Variants in LMF1 observed in about 807,000 individuals in gnomAD.
The protein encoded by LMF1 is transmembrane protein 112.
A neutral mutation model predicts 60.6 loss-of-function variants in LMF1; 68 were observed. The ratio of observed to expected loss-of-function variants is 1.12; its 90% CI spans 0.92 to 1.37. The LOEUF (loss-of-function observed/expected upper bound fraction) is 1.37, where lower values mean the gene tolerates loss of function less well. Among genes scored for constraint, LMF1 ranks in the 40% most tolerant of loss-of-function variants. The pLI is 0.00. For missense variants in LMF1, 948 were observed against 767.2 expected (o/e 1.24, Z -2.78); for synonymous variants, 418 against 324.7 (o/e 1.29, Z -3.09).
Position 869,987 on chromosome 16 carries a change from C to T in LMF1, c.1312G>A (p.Asp438Asn). Residue 438 changes from aspartate (D) to asparagine (N), a missense_variant, in exon 9 of 11, where the codon GAC becomes AAC. Transcript: ENST00000262301. The stretch of plus-strand genomic sequence containing the variant: ...CCTGGCTTGCACTTGAACTCGTAGT[C>T]CTCCCACATGGCATCGGGGGCGCTG... The part of the protein sequence containing the change: ...NASAPDAMWE[D>N]YEFKCKPGDP... 1 of 1,613,292 alleles carries T rather than the reference C, an allele frequency of 6.2e-7. No homozygotes were observed. Among genetic ancestry groups the T allele is most frequent in the South Asian group, 1.1e-5 (1 of 91,088 alleles).
intron 10 of LMF1, among the ~76,000 whole-genome samples, chr16:863,348 G>C (rs567859416): frequency 2.0e-5 from 3 of 152,250 alleles, no homozygotes; most frequent in Admixed American, 2.0e-4. Flanking sequence ...CACCATGTTG[G>C]CCATGCTGGT....
chr16:886,490 C>T (rs2070310794), intron 5 of LMF1, among the ~76,000 whole-genome samples: 1 of 152,042 alleles, frequency 6.6e-6, no homozygotes, highest in South Asian at 2.1e-4. Context: ...CGGCCAAAAC[C>T]ACCCTGCAGC....
chr16:976,599 T>G (rs552559801), intron 1 of LMF1: 3 of 453,318 alleles, frequency 6.6e-6, no homozygotes, highest in Non-Finnish European at 1.3e-5. Flanking sequence ...CCTCTGCCCA[T>G]TATCAGACGA....
chr16:906,554 T>C (rs1230254367), intron 4 of LMF1, among the ~76,000 whole-genome samples: 8 of 152,274 alleles, frequency 5.3e-5, no homozygotes, highest in African/African-American at 9.6e-5. Flanking sequence ...CCGGCTCTCC[T>C]TGCTCCTCAG....
rs1368640125 is a variant in LMF1 at position 859,894 on chromosome 16, TCGGGATGGGTGTGCAGTGGTGTCA to T, written c.1530-5212_1530-5189del. ...TCTCGGGATGGGTGTGAGTGGTGTC[TCGGGATGGGTGTGCAGTGGTGTCA>T]CGGGATCGGTGTGAGTGGTGTCACG... On this transcript the variant is annotated intron_variant, in intron 10 of 10. Coordinates refer to ENST00000262301, the MANE Select transcript of LMF1 (RefSeq NM_022773.4). Among the ~76,000 whole-genome samples, 37 of 127,726 alleles carry T rather than the reference TCGGGATGGGTGTGCAGTGGTGTCA, an allele frequency of 2.9e-4. 2 individuals carry two copies. The highest frequency in any genetic ancestry group is 1.2e-3 in the African/African-American group (34 of 27,466). 83.8% of individuals were successfully genotyped at this position (127,726 alleles called of 152,430 possible).
At chr16:918,827 G>A (rs1052340764) in intron 3 of LMF1, among the ~76,000 whole-genome samples, 7 of 151,846 alleles carry the variant, frequency 4.6e-5, no homozygotes, top group Non-Finnish European at 8.8e-5. Context: ...ACTCTCACGC[G>A]GGGCCGGCAT....
At chr16:952,838 C>T (rs1317487531) in intron 2 of LMF1, among the ~76,000 whole-genome samples, 1 of 141,454 alleles carries the variant, frequency 7.1e-6, no homozygotes. Context: ...CAGCCTCCTA[C>T]ACGTCCACAC....
intron 3 of LMF1, chr16:931,532 C>T: frequency 1.1e-6 from 1 of 912,320 alleles, no homozygotes; most frequent in Non-Finnish European, 1.5e-6. Flanking sequence ...CCCAGGCCGT[C>T]CCGAACGAGG....
At chr16:865,538 G>A (rs1454644698) in intron 10 of LMF1, among the ~76,000 whole-genome samples, 1 of 152,074 alleles carries the variant, frequency 6.6e-6, no homozygotes, top group East Asian at 1.9e-4. Flanking sequence ...GTAGAGACGA[G>A]ACTTCACCAT....
At chr16:894,626 A>ATCCATGC (rs2070610558) in intron 4 of LMF1, among the ~76,000 whole-genome samples, 1 of 152,224 alleles carries the variant, frequency 6.6e-6, no homozygotes, top group Admixed American at 6.5e-5. Flanking sequence ...AAGGACAGGA[A>ATCCATGC]TCCATGCTGC....
chr16:921,501 G>A (rs998950065), intron 3 of LMF1, among the ~76,000 whole-genome samples: 2 of 152,240 alleles, frequency 1.3e-5, no homozygotes, highest in African/African-American at 2.4e-5. Flanking sequence ...AACGCTCCAC[G>A]CGTTCTCACA....
At chr16:944,677 A>G (rs1449213185) in intron 2 of LMF1, among the ~76,000 whole-genome samples, 2 of 152,198 alleles carry the variant, frequency 1.3e-5, no homozygotes, top group East Asian at 1.9e-4. Flanking sequence ...GTCCATGAAG[A>G]CAAATCTCTT....
rs571423698 is a variant in LMF1, at chr16:980,157, C to G, written c.-135+988G>C. 2.6e-4 allele frequency: 58 copies of G among 221,808 alleles called. 1 individual carries two copies. The Admixed American group carries it at 3.0e-3, about 11-fold the overall frequency. 13.7% of individuals were successfully genotyped at this position (221,808 alleles called of 1,614,324 possible). On this transcript the variant is annotated intron_variant, in intron 1 of 6. Coordinates refer to the LMF1 transcript ENST00000570014. ...TGCAGAGATGAGACCGCCCTCCGGGCAGGTGACACGGCCCTTGCTCTTCAG... is the reference window on the plus strand; with the variant it reads ...TGCAGAGATGAGACCGCCCTCCGGGGAGGTGACACGGCCCTTGCTCTTCAG...
At chr16:956,487 T>A (rs945629023) in intron 1 of LMF1, among the ~76,000 whole-genome samples, 28 of 152,068 alleles carry the variant, frequency 1.8e-4, no homozygotes, top group African/African-American at 6.8e-4. Context: ...TGAAAAAAAT[T>A]AAAAATAAAA....
chr16:894,797 C>T lies in LMF1; in HGVS notation c.664-1725G>A, dbSNP rs185930366. ...AATGGCCGCCTCCCATCAGCGAGTGCTCCCCTCCGTGGGCGTGCTGGGGTG... is the reference window on the plus strand; with the variant it reads ...AATGGCCGCCTCCCATCAGCGAGTGTTCCCCTCCGTGGGCGTGCTGGGGTG... On this transcript the variant is annotated intron_variant, in intron 4 of 10. Transcript: ENST00000262301. 4.0e-3 allele frequency among the ~76,000 whole-genome samples: 609 copies of T among 152,346 alleles called. 5 individuals carry two copies. Among genetic ancestry groups the T allele is most frequent in the African/African-American group, 0.014 (566 of 41,584 alleles).
At chr16:965,167 G>A (rs528210851) in intron 1 of LMF1, among the ~76,000 whole-genome samples, 17 of 152,380 alleles carry the variant, frequency 1.1e-4, no homozygotes, top group Non-Finnish European at 1.3e-4. Context: ...ACAGCCAAGC[G>A]GTGGGTTCTG....
rs2072585193 is a variant in LMF1 at position 953,980 on chromosome 16, CACAGACACCCCAA to C, written c.503+364_503+376del. ...CCCAAACCAGCCTCCTACATGTCCA[CACAGACACCCCAA>C]ACCAGCCTCCTACACGTCCACACAG... On this transcript the variant is annotated intron_variant, in intron 2 of 10. Transcript: ENST00000262301. Among the ~76,000 whole-genome samples the C allele has an allele frequency of 1.4e-4, 3 of 22,102 alleles. 1 individual carries two copies. The highest frequency in any genetic ancestry group is 4.7e-3 in the South Asian group (2 of 424). 14.5% of individuals were successfully genotyped at this position (22,102 alleles called of 152,430 possible).
At chr16:943,014 A>G (rs1245305405) in intron 2 of LMF1, among the ~76,000 whole-genome samples, 2 of 152,258 alleles carry the variant, frequency 1.3e-5, no homozygotes. Flanking sequence ...CCCAGGCAAC[A>G]GATTTTTCAG....
intron 3 of LMF1, among the ~76,000 whole-genome samples, chr16:918,219 C>T (rs560460596): frequency 2.4e-4 from 36 of 152,286 alleles, no homozygotes; most frequent in Middle Eastern, 3.4e-3. Flanking sequence ...TGTCCGTGGG[C>T]GCTGCCGAGA....
Sources: allele counts gnomAD v4.1 joint callset (sites outside exome capture counted in the v4.1 genomes callset), GRCh38; gene constraint gnomAD v4.1.1; transcripts MANE v1.5; gene names NCBI Gene and HGNC (gene_info 2026-07-23, HGNC 2026-07-21).